The following KAT6B variants were observed in gnomAD, a reference collection of about 807,000 sequenced individuals.
KAT6B encodes the protein lysine acetyltransferase 6B, also known as histone acetyltransferase KAT6B.
KAT6B carries 10 observed loss-of-function variants against 187.5 expected under a neutral mutation model. The ratio of observed to expected loss-of-function variants is 0.05; its 90% CI spans 0.03 to 0.09. The LOEUF is 0.09. Among genes scored for constraint, KAT6B ranks in the 10% least tolerant of loss-of-function variants. The pLI, the probability that KAT6B is intolerant of heterozygous loss-of-function variation, is 1.00. For synonymous variants in KAT6B, 861 were observed against 926.8 expected, an observed-to-expected ratio of 0.93 and a Z score of 1.29; for missense variants, 1,952 against 2,558.9, an observed-to-expected ratio of 0.76 and a Z score of 5.12.
At position 74,972,488 on chromosome 10, in the gene KAT6B, C is replaced by T. The variant is rs1417769430; in HGVS notation, c.929-19C>T. 2.0e-6 allele frequency: 3 copies of T among 1,512,828 alleles called. No homozygotes were observed. The highest frequency in any genetic ancestry group is 1.2e-5 in the South Asian group (1 of 84,000). 93.7% of individuals were successfully genotyped at this position (1,512,828 alleles called of 1,614,324 possible). ...AAATGAAACATTAAAATATTTTTCTCATATATATATTAATTCAGGGATGTG... is the reference window on the plus strand; with the variant it reads ...AAATGAAACATTAAAATATTTTTCTTATATATATATTAATTCAGGGATGTG... On this transcript the variant is annotated intron_variant, in intron 6 of 17. Transcript: ENST00000287239.
Position 74,857,239 on chromosome 10 carries a change from A to T in KAT6B, c.621+13761A>T, listed in dbSNP as rs144977136. Among the ~76,000 whole-genome samples the T allele has an allele frequency of 2.0e-5, 3 of 152,314 alleles. No homozygotes were observed. The East Asian group carries it at 5.8e-4, about 29-fold the overall frequency. On this transcript the variant is annotated intron_variant, in intron 3 of 17. Transcript: ENST00000287239. Reference sequence around the variant, plus strand: ...CAGTTCGGTAGGTCAGAAGTCCAACATGGGTTTCTTAGGTTAAAATGAAGG... The same window carrying T: ...CAGTTCGGTAGGTCAGAAGTCCAACTTGGGTTTCTTAGGTTAAAATGAAGG...
intron 3 of KAT6B, among the ~76,000 whole-genome samples, chr10:74,847,181 T>C (rs949614453): frequency 1.3e-5 from 2 of 152,264 alleles, no homozygotes; most frequent in African/African-American, 4.8e-5. Context: ...TTTATGATGC[T>C]GATCTTTAAA....
At chr10:74,832,658 C>G (rs772393457) in intron 1 of KAT6B, among the ~76,000 whole-genome samples, 1 of 151,792 alleles carries the variant, frequency 6.6e-6, no homozygotes, top group Admixed American at 6.6e-5. Context: ...TGCGCCACCA[C>G]GCCTGCTAAT....
rs1450518301 is a variant in KAT6B at position 75,032,512 on chromosome 10, ATAAAT to A, written c.*1470_*1474del. On this transcript the variant is annotated 3_prime_UTR_variant, in exon 18 of 18. Coordinates refer to ENST00000287239, the MANE Select transcript of KAT6B (RefSeq NM_012330.4). ...ATCACATATACCAAATACCTATTTA[ATAAAT>A]TAATTTATAATGGATTTTAATGCTT... 2 of 182,380 alleles carry A rather than the reference ATAAAT, an allele frequency of 1.1e-5. No homozygotes were observed. The highest frequency in any genetic ancestry group is 2.4e-5 in the African/African-American group (1 of 42,544). The allele number at this position is 182,380 out of a possible 1,614,324, so 11.3% of individuals were successfully genotyped here.
At chr10:75,006,210 CA>C (rs549264905) in intron 13 of KAT6B, among the ~76,000 whole-genome samples, 51 of 152,040 alleles carry the variant, frequency 3.4e-4, no homozygotes, top group Non-Finnish European at 6.3e-4. Context: ...AGGTTCTGAC[CA>C]GACAATAAAT....
chr10:75,027,511 A>G (rs1845959576), intron 17 of KAT6B, among the ~76,000 whole-genome samples: 2 of 152,138 alleles, frequency 1.3e-5, no homozygotes, highest in African/African-American at 4.8e-5. Flanking sequence ...CTTTAAATTG[A>G]CCACTGATTC....
rs1316175251 is a variant in KAT6B at position 74,888,389 on chromosome 10, T to C, written c.621+44911T>C. ...ATAAATACAGAGTATATAAAGAAGCTTCTGCATATTAATAAGAAAACACTA... is the reference window on the plus strand; with the variant it reads ...ATAAATACAGAGTATATAAAGAAGCCTCTGCATATTAATAAGAAAACACTA... On this transcript the variant is annotated intron_variant, in intron 3 of 17. Transcript: ENST00000287239. 6.6e-5 allele frequency among the ~76,000 whole-genome samples: 10 copies of C among 152,140 alleles called. No homozygotes were observed. The East Asian group carries it at 1.9e-3, about 29-fold the overall frequency.
At chr10:74,952,571 C>A (rs1564584619) in intron 3 of KAT6B, among the ~76,000 whole-genome samples, 1 of 152,146 alleles carries the variant, frequency 6.6e-6, no homozygotes, top group Non-Finnish European at 1.5e-5. Flanking sequence ...GGCCTTGTAG[C>A]ATGGCATTCG....
In KAT6B at chr10:74,986,217, C is replaced by G. The variant is rs376541969; in HGVS notation, c.2535+976C>G. On this transcript the variant is annotated intron_variant, in intron 12 of 17. Coordinates refer to ENST00000287239, the MANE Select transcript of KAT6B (RefSeq NM_012330.4). ...CTCAAAGGCTTCTAAGAAACAATAA[C>G]TCCTTTGCAATAAAGGAAAACTGAG... Among the ~76,000 whole-genome samples, 47 of 152,274 alleles carry G rather than the reference C, an allele frequency of 3.1e-4. 1 individual carries two copies. The South Asian group carries it at 8.9e-3, about 29-fold the overall frequency.
At chr10:74,905,306 T>A (rs1326812754) in intron 3 of KAT6B, among the ~76,000 whole-genome samples, 1 of 152,184 alleles carries the variant, frequency 6.6e-6, no homozygotes, top group Non-Finnish European at 1.5e-5. Flanking sequence ...GTGGCAGAGT[T>A]AACCTGCCTG....
chr10:74,922,016 C>T (rs1384084214), intron 3 of KAT6B, among the ~76,000 whole-genome samples: 3 of 152,218 alleles, frequency 2.0e-5, no homozygotes, highest in African/African-American at 7.2e-5. Flanking sequence ...CAAGGCAAAT[C>T]TGTCATCTCT....
chr10:74,926,432 C>T (rs1001477002), intron 3 of KAT6B, among the ~76,000 whole-genome samples: 2 of 151,980 alleles, frequency 1.3e-5, no homozygotes, highest in Admixed American at 6.6e-5. Flanking sequence ...CCAGCCTGGG[C>T]AACAGACTGA....
intron 3 of KAT6B, among the ~76,000 whole-genome samples, chr10:74,914,728 A>G (rs1847530879): frequency 6.6e-6 from 1 of 152,200 alleles, no homozygotes; most frequent in South Asian, 2.1e-4. Flanking sequence ...TTCTGTTGAC[A>G]CATTCTACTT....
chr10:74,960,138 A>G (rs897020380), intron 4 of KAT6B, 60 bp downstream of exon 4: 4 of 1,047,820 alleles, frequency 3.8e-6, no homozygotes, highest in East Asian at 2.4e-5. Context: ...GCTTCATGCT[A>G]TTTGTCTCTC....
chr10:74,845,521 C>CAAAAA (rs71024526), intron 3 of KAT6B, among the ~76,000 whole-genome samples: 2 of 64,696 alleles, frequency 3.1e-5, no homozygotes, highest in African/African-American at 9.7e-5. Context: ...GACTCTGTCT[C>CAAAAA]AAAAAAAAAA....
At chr10:74,951,853 C>G (rs1227774002) in intron 3 of KAT6B, among the ~76,000 whole-genome samples, 1 of 152,120 alleles carries the variant, frequency 6.6e-6, no homozygotes, top group Non-Finnish European at 1.5e-5. Context: ...TATTTTGGGA[C>G]CTGTGAATTG....
At position 75,021,911 on chromosome 10, in the gene KAT6B, T is replaced by C. The variant is rs1217910953; in HGVS notation, c.3052T>C (p.Trp1018Arg). 1 of 1,614,032 alleles carries C rather than the reference T, an allele frequency of 6.2e-7. No homozygotes were observed. Among genetic ancestry groups the C allele is most frequent in the Non-Finnish European group, 8.5e-7 (1 of 1,180,036 alleles). ...GCGGCTAATGGAACAAGCTAGCTGC[T>C]GGGAGAAGGAGGAACAAGAAATCCT... ...AERLMEQASC[W>R]EKEEQEILST... The change falls in exon 16 of 18, where the codon TGG (tryptophan) becomes CGG (arginine). Residue 1018 changes from tryptophan to arginine, a missense_variant. Trp to Arg is a moderately radical substitution (Grantham distance 101, BLOSUM62 -3). This residue lies in a region of KAT6B where 758 missense variants were observed against 891.4 expected (regional missense o/e 0.85). Transcript: ENST00000287239.
At chr10:74,874,353 G>A (rs766279557) in intron 3 of KAT6B, among the ~76,000 whole-genome samples, 1 of 152,108 alleles carries the variant, frequency 6.6e-6, no homozygotes, top group African/African-American at 2.4e-5. Context: ...CAGTTTCTTA[G>A]TTGTTTTCTT....
At chr10:74,830,750 A>ATACATATATATATATG (rs1840720275) in intron 1 of KAT6B, among the ~76,000 whole-genome samples, 1 of 20,738 alleles carries the variant, frequency 4.8e-5, no homozygotes, top group Non-Finnish European at 7.7e-5. Context: ...ATATATATAT[A>ATACATATATATATATG]TATATATATA....
Sources: gnomAD v4.1 joint callset for allele counts (sites outside exome capture counted in the v4.1 genomes callset) on GRCh38, gnomAD v4.1.1 for gene constraint, gnomAD v4.1.1 regional missense constraint, MANE v1.5 for transcripts, NCBI Gene and HGNC (gene_info 2026-07-23, HGNC 2026-07-21) for gene names.